The following CTNNA2 variants were observed in gnomAD, a reference collection of about 807,000 sequenced individuals.
CTNNA2 encodes catenin alpha-2.
A neutral mutation model predicts 101.0 loss-of-function variants in CTNNA2; 42 were observed. The observed-to-expected ratio is 0.42, with a 90% CI of 0.32 to 0.54. The LOEUF is 0.54. Ranked by LOEUF, CTNNA2 falls within the 20% of genes least tolerant of loss-of-function variation. The pLI, the probability that CTNNA2 is intolerant of heterozygous loss-of-function variation, is 0.14. For missense variants in CTNNA2, 871 were observed against 1,223.1 expected, an observed-to-expected ratio of 0.71 and a Z score of 4.29; for synonymous variants, 450 against 456.4, an observed-to-expected ratio of 0.99 and a Z score of 0.18.
At chr2:79,866,837 A>T (rs1482503369) in intron 4 of CTNNA2, among the ~76,000 whole-genome samples, 1 of 152,134 alleles carries the variant, frequency 6.6e-6, no homozygotes, top group Non-Finnish European at 1.5e-5. Context: ...ATCTCCTTTA[A>T]TTCCCACAAA....
intron 9 of CTNNA2, among the ~76,000 whole-genome samples, chr2:80,424,649 A>T (rs1362046764): frequency 6.6e-6 from 1 of 152,180 alleles, no homozygotes; most frequent in Non-Finnish European, 1.5e-5. Flanking sequence ...AGTTTAGCTT[A>T]CCCTTCTTTC....
chr2:79,390,700 T>C (rs571889583), intron 4 of CTNNA2, among the ~76,000 whole-genome samples: 1 of 152,338 alleles, frequency 6.6e-6, no homozygotes, highest in East Asian at 1.9e-4. Context: ...ATAGGAATGA[T>C]ACCTATTTGG....
At chr2:80,610,806 C>G (rs216673) in intron 17 of CTNNA2, among the ~76,000 whole-genome samples, 8,182 of 151,672 alleles carry the variant, frequency 0.054, 279 homozygotes, top group Non-Finnish European at 0.077. Context: ...TGAGAAAGGC[C>G]TCTTGTCTTG....
chr2:79,984,389 A>T (rs1026886173), intron 7 of CTNNA2, among the ~76,000 whole-genome samples: 1 of 152,154 alleles, frequency 6.6e-6, no homozygotes, highest in Non-Finnish European at 1.5e-5. Context: ...TCACTTCAAT[A>T]TTAAAAGATA....
At chr2:80,026,852 A>G (rs756453966) in intron 7 of CTNNA2, among the ~76,000 whole-genome samples, 49 of 152,166 alleles carry the variant, frequency 3.2e-4, no homozygotes, top group African/African-American at 1.0e-3. Context: ...CCTTAAATTT[A>G]TAGTTTCAAA....
intron 2 of CTNNA2, among the ~76,000 whole-genome samples, chr2:79,295,934 G>A (rs552868341): frequency 2.6e-4 from 40 of 151,262 alleles, no homozygotes; most frequent in African/African-American, 9.6e-4. Flanking sequence ...AAAATTGTGG[G>A]GAAATTTTGT....
intron 9 of CTNNA2, among the ~76,000 whole-genome samples, chr2:80,475,779 T>C (rs754763182): frequency 1.2e-4 from 18 of 152,116 alleles, no homozygotes; most frequent in Admixed American, 2.0e-4. Flanking sequence ...ATAAGGCCTG[T>C]TGAGGAAATG....
At chr2:79,932,049 T>G (rs1290868240) in intron 7 of CTNNA2, among the ~76,000 whole-genome samples, 3 of 152,256 alleles carry the variant, frequency 2.0e-5, no homozygotes, top group Admixed American at 6.5e-5. Context: ...TTGATGAGGT[T>G]GGCTTACAAA....
At chr2:79,342,306 G>C (rs1358445647) in intron 3 of CTNNA2, among the ~76,000 whole-genome samples, 1 of 152,202 alleles carries the variant, frequency 6.6e-6, no homozygotes, top group Non-Finnish European at 1.5e-5. Flanking sequence ...CTCCAACTGA[G>C]CACTATTGGC....
intron 7 of CTNNA2, among the ~76,000 whole-genome samples, chr2:79,942,879 C>T (rs549328869): frequency 2.6e-5 from 4 of 152,116 alleles, no homozygotes; most frequent in Non-Finnish European, 5.9e-5. Context: ...ACATTGACAA[C>T]AAGAAGTTCC....
chr2:79,500,851 A>G (rs1206610851), intron 4 of CTNNA2: 1 of 152,198 alleles, frequency 6.6e-6, no homozygotes, highest in Non-Finnish European at 1.5e-5. Context: ...CTTCTTCGTC[A>G]TGGTTTCAGC....
At chr2:80,245,897 C>G (rs999102688) in intron 7 of CTNNA2, among the ~76,000 whole-genome samples, 1 of 148,764 alleles carries the variant, frequency 6.7e-6, no homozygotes, top group Non-Finnish European at 1.5e-5. Flanking sequence ...CGGATTCACG[C>G]CATTCTCCTG....
chr2:79,642,324 C>T (rs368598315), intron 1 of CTNNA2, among the ~76,000 whole-genome samples: 1 of 152,160 alleles, frequency 6.6e-6, no homozygotes, highest in Non-Finnish European at 1.5e-5. Context: ...CGGAGATACC[C>T]GCACCCCACC....
intron 2 of CTNNA2, among the ~76,000 whole-genome samples, chr2:79,299,420 G>A (rs2104389000): frequency 6.6e-6 from 1 of 152,282 alleles, no homozygotes; most frequent in African/African-American, 2.4e-5. Flanking sequence ...AGAAAACTCT[G>A]ATTAAGTTCC....
At chr2:79,853,333 G>A (rs1005569492) in intron 3 of CTNNA2, among the ~76,000 whole-genome samples, 2 of 152,020 alleles carry the variant, frequency 1.3e-5, no homozygotes, top group Non-Finnish European at 2.9e-5. Context: ...TGTAGAGATA[G>A]GGTCTCACTA....
chr2:80,547,856 A>G (rs1692221155), intron 11 of CTNNA2, among the ~76,000 whole-genome samples: 1 of 151,896 alleles, frequency 6.6e-6, no homozygotes, highest in African/African-American at 2.4e-5. Context: ...TGCCCGGCTA[A>G]TTTTGTATTT....
intron 7 of CTNNA2, among the ~76,000 whole-genome samples, chr2:80,054,531 T>C (rs1479403299): frequency 6.6e-6 from 1 of 151,830 alleles, no homozygotes; most frequent in African/African-American, 2.4e-5. Flanking sequence ...AAAGGTGGAG[T>C]GTTGGGTGCC....
chr2:79,445,130 C>G lies in CTNNA2; in HGVS notation c.-134-59924C>G, dbSNP rs1392231106. 2.0e-5 allele frequency among the ~76,000 whole-genome samples: 3 copies of G among 152,142 alleles called. No individual in the cohort carries two copies. The East Asian group carries it at 5.8e-4, about 29-fold the overall frequency. Reference sequence around the variant, plus strand: ...AAAAGCTTGGGGCTTTGTGTCACTTCAATTGCCACCATTATTTTTTGATAC... The same window carrying G: ...AAAAGCTTGGGGCTTTGTGTCACTTGAATTGCCACCATTATTTTTTGATAC... On this transcript the variant is annotated intron_variant, in intron 4 of 21. Coordinates refer to the CTNNA2 transcript ENST00000466387.
intron 7 of CTNNA2, among the ~76,000 whole-genome samples, chr2:80,021,269 C>T (rs1280280753): frequency 6.6e-6 from 1 of 152,118 alleles, no homozygotes; most frequent in Non-Finnish European, 1.5e-5. Context: ...ATCCTCCCGC[C>T]TCAGCCTCCC....
Sources: allele counts gnomAD v4.1 joint callset (sites outside exome capture counted in the v4.1 genomes callset), GRCh38; gene constraint gnomAD v4.1.1; transcripts MANE v1.5; gene names NCBI Gene and HGNC (gene_info 2026-07-23, HGNC 2026-07-21).